FAM171A1: variants seen among roughly 807,000 people sequenced by gnomAD.
FAM171A1 encodes protein FAM171A1.
Under a neutral mutation model 74.9 loss-of-function variants are expected in FAM171A1, and 23 were observed. The observed-to-expected ratio is 0.31, with a 90% CI of 0.22 to 0.44. The LOEUF (loss-of-function observed/expected upper bound fraction) is 0.44, where lower values mean the gene tolerates loss of function less well. FAM171A1 is among the 20% of genes least tolerant of loss of function. The probability of loss-of-function intolerance (pLI) is 1.00; values close to 1 mark genes in which losing one functional copy is unlikely to be tolerated. For missense variants in FAM171A1, 1,162 were observed against 1,159.2 expected, an observed-to-expected ratio of 1.00 and a Z score of -0.03; for synonymous variants, 527 against 505.7, an observed-to-expected ratio of 1.04 and a Z score of -0.57.
intron 1 of FAM171A1, among the ~76,000 whole-genome samples, chr10:15,284,854 G>C (rs1190545807): frequency 6.6e-6 from 1 of 151,864 alleles, no homozygotes; most frequent in Non-Finnish European, 1.5e-5. Flanking sequence ...AATCACAAAG[G>C]CTAGACTGAA....
intron 1 of FAM171A1, among the ~76,000 whole-genome samples, chr10:15,331,755 G>A (rs749812418): frequency 1.1e-4 from 16 of 148,694 alleles, no homozygotes; most frequent in Non-Finnish European, 2.2e-4. Context: ...GTGTGTGTAT[G>A]TATATATATA....
intron 1 of FAM171A1, among the ~76,000 whole-genome samples, chr10:15,323,345 T>A (rs533798876): frequency 2.6e-4 from 40 of 151,656 alleles, no homozygotes; most frequent in African/African-American, 9.2e-4. Context: ...CCCAGCTACT[T>A]GGGAAGCTGA....
intron 1 of FAM171A1, among the ~76,000 whole-genome samples, chr10:15,368,710 T>C (rs1271583124): frequency 6.6e-6 from 1 of 152,160 alleles, no homozygotes; most frequent in Non-Finnish European, 1.5e-5. Context: ...CTGTGGGAAA[T>C]GCAAAGTGAA....
chr10:15,284,229 A>T (rs904829805), intron 1 of FAM171A1, 124 bp from the exon 2 acceptor site: 5 of 810,564 alleles, frequency 6.2e-6, no homozygotes, highest in Non-Finnish European at 7.7e-6. Flanking sequence ...GACACTCAAA[A>T]TATGCAGTTT....
At chr10:15,267,503 T>TA (rs1834760976) in intron 3 of FAM171A1, among the ~76,000 whole-genome samples, 2 of 142,744 alleles carry the variant, frequency 1.4e-5, no homozygotes, top group South Asian at 4.4e-4. Context: ...CTCAGCAGGC[T>TA]AAGGCAGGAG....
chr10:15,301,893 C>T (rs1835233909), intron 1 of FAM171A1, among the ~76,000 whole-genome samples: 1 of 151,976 alleles, frequency 6.6e-6, no homozygotes, highest in African/African-American at 2.4e-5. Context: ...CTAAAGAACC[C>T]AAGGAACTAT....
intron 1 of FAM171A1, among the ~76,000 whole-genome samples, chr10:15,336,012 C>A (rs1835695399): frequency 6.6e-6 from 1 of 151,792 alleles, no homozygotes; most frequent in African/African-American, 2.4e-5. Flanking sequence ...TTTTTTTAAC[C>A]CAATAATCAG....
chr10:15,350,380 C>CTGG (rs1197502890), intron 1 of FAM171A1, among the ~76,000 whole-genome samples: 6 of 152,008 alleles, frequency 3.9e-5, no homozygotes, highest in Non-Finnish European at 5.9e-5. Flanking sequence ...CTGTGTTGCC[C>CTGG]AGGCTGGAGT....
intron 1 of FAM171A1, among the ~76,000 whole-genome samples, chr10:15,327,626 G>A (rs1835572050): frequency 6.6e-6 from 1 of 152,074 alleles, no homozygotes; most frequent in African/African-American, 2.4e-5. Context: ...AGTCTAGCCT[G>A]GGAGACAAAA....
chr10:15,309,016 TA>T (rs1269370227), intron 1 of FAM171A1, among the ~76,000 whole-genome samples: 13 of 152,168 alleles, frequency 8.5e-5, no homozygotes, highest in African/African-American at 3.1e-4. Flanking sequence ...TTTTACAACT[TA>T]AAAAAACCAA....
intron 6 of FAM171A1, among the ~76,000 whole-genome samples, chr10:15,220,585 G>A (rs1182810586): frequency 6.6e-6 from 1 of 152,126 alleles, no homozygotes; most frequent in Non-Finnish European, 1.5e-5. Flanking sequence ...TCTCTGTGGA[G>A]TGCTTTTCCC....
intron 4 of FAM171A1, among the ~76,000 whole-genome samples, chr10:15,251,654 C>T (rs1430844471): frequency 6.6e-6 from 1 of 151,922 alleles, no homozygotes; most frequent in African/African-American, 2.4e-5. Flanking sequence ...CCCAGTGATC[C>T]ACCCGCCTCG....
At chr10:15,338,771 C>A (rs968322523) in intron 1 of FAM171A1, among the ~76,000 whole-genome samples, 13 of 152,184 alleles carry the variant, frequency 8.5e-5, no homozygotes, top group African/African-American at 3.1e-4. Flanking sequence ...TTGAGACAGT[C>A]TCTCTGTCAC....
chr10:15,215,250 T>C (rs1833953099), intron 7 of FAM171A1, among the ~76,000 whole-genome samples: 1 of 152,198 alleles, frequency 6.6e-6, no homozygotes, highest in African/African-American at 2.4e-5. Flanking sequence ...CTATAATGCC[T>C]TTTTAAAACA....
chr10:15,328,982 G>A (rs1177114993), intron 1 of FAM171A1, among the ~76,000 whole-genome samples: 6 of 152,174 alleles, frequency 3.9e-5, no homozygotes, highest in Non-Finnish European at 7.3e-5. Flanking sequence ...GTGGCTCAGC[G>A]GTTAAGTAAT....
chr10:15,350,533 G>A (rs573547786), intron 1 of FAM171A1, among the ~76,000 whole-genome samples: 64 of 151,896 alleles, frequency 4.2e-4, no homozygotes, highest in African/African-American at 1.4e-3. Flanking sequence ...AGTAGAGACG[G>A]GGTTTCACTG....
chr10:15,248,836 C>T (rs1834470051), intron 4 of FAM171A1, 21 bp from the exon 5 acceptor site: 1 of 1,588,242 alleles, frequency 6.3e-7, no homozygotes, highest in Non-Finnish European at 8.6e-7. Context: ...GAGGCATTTT[C>T]CATCATTTGC....
At chr10:15,352,181 A>G (rs566701050) in intron 1 of FAM171A1, among the ~76,000 whole-genome samples, 2 of 152,014 alleles carry the variant, frequency 1.3e-5, no homozygotes, top group Admixed American at 6.6e-5. Flanking sequence ...GGAGGTTGCA[A>G]TGAGCCGAAA....
intron 1 of FAM171A1, among the ~76,000 whole-genome samples, chr10:15,359,451 C>A (rs1221674172): frequency 1.3e-5 from 2 of 152,094 alleles, no homozygotes; most frequent in Non-Finnish European, 2.9e-5. Context: ...CAGTCTTTTT[C>A]CTCCTTCTCA....
Sources: gnomAD v4.1 joint callset for allele counts (sites outside exome capture counted in the v4.1 genomes callset) on GRCh38, gnomAD v4.1.1 for gene constraint, MANE v1.5 for transcripts, NCBI Gene and HGNC (gene_info 2026-07-23, HGNC 2026-07-21) for gene names.